TCF12: variants seen among roughly 807,000 people sequenced by gnomAD.
TCF12 encodes DNA-binding protein HTF4.
In TCF12, 45 loss-of-function variants were observed where a neutral mutation model predicts 86.0. The ratio of observed to expected loss-of-function variants is 0.52; its 90% CI spans 0.41 to 0.67. The LOEUF is 0.67. TCF12 is among the 30% of genes least tolerant of loss of function. TCF12 has a pLI of 0.00. For synonymous variants in TCF12, 330 were observed against 299.6 expected, an observed-to-expected ratio of 1.10 and a Z score of -1.05; for missense variants, 881 against 859.9, an observed-to-expected ratio of 1.02 and a Z score of -0.31.
At chr15:56,991,793 CT>C (rs35194092) in intron 3 of TCF12, among the ~76,000 whole-genome samples, 35 of 151,850 alleles carry the variant, frequency 2.3e-4, no homozygotes, top group African/African-American at 8.0e-4. Flanking sequence ...TTATAGTGCC[CT>C]TTTTTTTATT....
chr15:56,928,901 C>T (rs1033267517), intron 3 of TCF12, among the ~76,000 whole-genome samples: 2 of 152,084 alleles, frequency 1.3e-5, no homozygotes, highest in African/African-American at 2.4e-5. Flanking sequence ...TTAAGAGTCT[C>T]TAGGGTAGAA....
intron 3 of TCF12, among the ~76,000 whole-genome samples, chr15:56,996,878 A>G (rs2063744922): frequency 1.3e-5 from 2 of 152,244 alleles, no homozygotes; most frequent in African/African-American, 2.4e-5. Context: ...AAAAATGCTC[A>G]TAATCACTAA....
At chr15:56,929,208 T>C (rs1297225347) in intron 3 of TCF12, among the ~76,000 whole-genome samples, 1 of 152,192 alleles carries the variant, frequency 6.6e-6, no homozygotes, top group East Asian at 1.9e-4. Flanking sequence ...TGGCCAATCC[T>C]TAATGAGAAG....
intron 5 of TCF12, among the ~76,000 whole-genome samples, chr15:57,157,980 C>G (rs1284851908): frequency 1.3e-5 from 2 of 152,034 alleles, no homozygotes; most frequent in African/African-American, 4.8e-5. Flanking sequence ...TTGAATTGTG[C>G]ATTTTAATGT....
intron 5 of TCF12, among the ~76,000 whole-genome samples, chr15:57,098,597 T>C (rs1259093859): frequency 6.6e-6 from 1 of 152,218 alleles, no homozygotes; most frequent in Non-Finnish European, 1.5e-5. Flanking sequence ...ACAATTAATA[T>C]ACGTGGCAGA....
intron 3 of TCF12, among the ~76,000 whole-genome samples, chr15:56,955,561 T>A (rs1366484251): frequency 7.9e-5 from 12 of 151,996 alleles, no homozygotes; most frequent in African/African-American, 2.4e-4. Context: ...TAAAAATAAA[T>A]AAATAAAAAT....
chr15:56,946,806 T>TC (rs2061020914), intron 3 of TCF12, among the ~76,000 whole-genome samples: 1 of 148,938 alleles, frequency 6.7e-6, no homozygotes, highest in Non-Finnish European at 1.5e-5. Flanking sequence ...ACCTTTTTTT[T>TC]TTTTTTTTTT....
chr15:57,262,266 G>A, intron 17 of TCF12, 58 bp downstream of exon 17: 1 of 1,217,900 alleles, frequency 8.2e-7, no homozygotes, highest in Non-Finnish European at 1.2e-6. Flanking sequence ...TTGGAACACT[G>A]TCACCTTTCT....
At chr15:57,020,123 GT>G (rs1567265647) in intron 3 of TCF12, among the ~76,000 whole-genome samples, 2 of 152,190 alleles carry the variant, frequency 1.3e-5, no homozygotes, top group Non-Finnish European at 2.9e-5. Context: ...ACCCAGTCAT[GT>G]TTAATTGTAC....
intron 12 of TCF12, among the ~76,000 whole-genome samples, chr15:57,234,680 G>A (rs550107451): frequency 3.6e-4 from 55 of 152,280 alleles, no homozygotes; most frequent in Middle Eastern, 6.8e-3. Context: ...TAATGACAAA[G>A]CAGTGATTAT....
At chr15:57,042,853 CAG>C (rs2066987845) in intron 3 of TCF12, among the ~76,000 whole-genome samples, 1 of 152,140 alleles carries the variant, frequency 6.6e-6, no homozygotes, top group Non-Finnish European at 1.5e-5. Context: ...CATTGTTTTA[CAG>C]CAGATCTTTA....
At chr15:57,033,762 T>G (rs1300271729) in intron 3 of TCF12, among the ~76,000 whole-genome samples, 1 of 152,198 alleles carries the variant, frequency 6.6e-6, no homozygotes, top group Non-Finnish European at 1.5e-5. Context: ...GATGTACCAT[T>G]AACTAAAACC....
chr15:57,218,638 A>G (rs955887794), intron 8 of TCF12, among the ~76,000 whole-genome samples: 2 of 152,230 alleles, frequency 1.3e-5, no homozygotes, highest in East Asian at 1.9e-4. Context: ...CATACTTTAT[A>G]TGAAAGATGT....
intron 10 of TCF12, 90 bp from the exon 11 acceptor site, chr15:57,232,622 T>C (rs1252731359): frequency 1.4e-6 from 2 of 1,469,964 alleles, no homozygotes; most frequent in Admixed American, 4.4e-5. Flanking sequence ...AACTTGTAAA[T>C]GCTCTTTTTG....
intron 5 of TCF12, among the ~76,000 whole-genome samples, chr15:57,161,966 T>G (rs370705601): frequency 3.9e-5 from 6 of 152,224 alleles, no homozygotes; most frequent in African/African-American, 1.4e-4. Flanking sequence ...CATTTTGTTT[T>G]GTACATTTAT....
intron 3 of TCF12, among the ~76,000 whole-genome samples, chr15:56,928,965 T>C (rs1187239947): frequency 1.3e-5 from 2 of 152,212 alleles, no homozygotes; most frequent in African/African-American, 4.8e-5. Flanking sequence ...ACTCCCTTGG[T>C]AGCCTGAAGC....
intron 3 of TCF12, among the ~76,000 whole-genome samples, chr15:57,010,477 T>C (rs1224645533): frequency 6.6e-6 from 1 of 152,072 alleles, no homozygotes; most frequent in African/African-American, 2.4e-5. Flanking sequence ...AGTACCGATA[T>C]GACAAAGAGT....
chr15:57,053,617 CTTT>C (rs35913345), intron 3 of TCF12, among the ~76,000 whole-genome samples: 6 of 145,144 alleles, frequency 4.1e-5, no homozygotes, highest in Non-Finnish European at 4.5e-5. Flanking sequence ...AGCCCATCAC[CTTT>C]TTTTTTTTTT....
intron 5 of TCF12, among the ~76,000 whole-genome samples, chr15:57,128,554 A>G (rs1419522654): frequency 6.6e-6 from 1 of 152,222 alleles, no homozygotes; most frequent in African/African-American, 2.4e-5. Context: ...AATATATCAC[A>G]TATAATAAAA....
Sources: allele counts gnomAD v4.1 joint callset (sites outside exome capture counted in the v4.1 genomes callset), GRCh38; gene constraint gnomAD v4.1.1; transcripts MANE v1.5; gene names NCBI Gene and HGNC (gene_info 2026-07-23, HGNC 2026-07-21).